SHLD2: variants seen among roughly 807,000 people sequenced by gnomAD.
The protein encoded by SHLD2 is shieldin complex subunit 2.
SHLD2 carries 30 observed loss-of-function variants against 73.2 expected under a neutral mutation model. The ratio of observed to expected loss-of-function variants is 0.41; its 90% CI spans 0.31 to 0.56. The LOEUF is 0.56. Among genes scored for constraint, SHLD2 ranks in the 20% least tolerant of loss-of-function variants. The probability of loss-of-function intolerance (pLI) is 0.28; values close to 1 mark genes in which losing one functional copy is unlikely to be tolerated. For missense variants in SHLD2, 745 were observed against 1,055.9 expected (o/e 0.71, Z 4.08); for synonymous variants, 285 against 370.1 (o/e 0.77, Z 2.64).
intron 2 of SHLD2, among the ~76,000 whole-genome samples, chr10:87,130,512 G>T (rs546496789): frequency 9.9e-5 from 15 of 151,992 alleles, no homozygotes; most frequent in Non-Finnish European, 1.5e-4. Flanking sequence ...TGGGAAAAGC[G>T]TAGTAACCTA....
At chr10:87,131,809 CTG>C (rs1325585385) in intron 2 of SHLD2, among the ~76,000 whole-genome samples, 10 of 152,212 alleles carry the variant, frequency 6.6e-5, no homozygotes, top group Non-Finnish European at 5.9e-5. Flanking sequence ...TCCTCAGTGA[CTG>C]TACCATTTTA....
At chr10:87,188,535 C>T (rs1848779550) in intron 9 of SHLD2, among the ~76,000 whole-genome samples, 1 of 152,154 alleles carries the variant, frequency 6.6e-6, no homozygotes, top group African/African-American at 2.4e-5. Flanking sequence ...TTATGAGCAC[C>T]TGGTGGAGGT....
chr10:87,111,469 C>T (rs1316201034), intron 2 of SHLD2, among the ~76,000 whole-genome samples: 1 of 151,620 alleles, frequency 6.6e-6, no homozygotes, highest in Non-Finnish European at 1.5e-5. Context: ...GGTGAAACCC[C>T]CTCTCTACTA....
rs1186391770 is a variant in SHLD2 at position 87,174,526 on chromosome 10, C to G, written c.1964-1363C>G. Among the ~76,000 whole-genome samples, 3 of 148,772 alleles carry G rather than the reference C, an allele frequency of 2.0e-5. No homozygotes were observed. In the Admixed American group the frequency reaches 2.0e-4, roughly 10 times the overall value. On this transcript the variant is annotated intron_variant, in intron 6 of 9. Coordinates refer to ENST00000298786, the MANE Select transcript of SHLD2 (RefSeq NM_001330112.2). Reference sequence around the variant, plus strand: ...TGCTTTAGTTCTAGCTAGTGATGCTCTGTCTTTACAGATTTACTGAGATGT... The same window carrying G: ...TGCTTTAGTTCTAGCTAGTGATGCTGTGTCTTTACAGATTTACTGAGATGT...
chr10:87,187,654 C>G (rs1848699919), intron 9 of SHLD2, among the ~76,000 whole-genome samples: 1 of 152,208 alleles, frequency 6.6e-6, no homozygotes, highest in African/African-American at 2.4e-5. Context: ...CTCAGATCCT[C>G]TAAGCTGATG....
intron 7 of SHLD2, among the ~76,000 whole-genome samples, chr10:87,177,170 T>G (rs11492866): frequency 0.33 from 49,620 of 151,886 alleles, 8,696 homozygotes; most frequent in South Asian, 0.47. Flanking sequence ...CAGGAAGGAA[T>G]GCCAGACACA....
intron 2 of SHLD2, 119 bp from the exon 3 acceptor site, chr10:87,151,231 A>G (rs1223649497): frequency 3.9e-6 from 2 of 515,760 alleles, no homozygotes; most frequent in Non-Finnish European, 6.8e-6. Context: ...CAAAAAAATC[A>G]CCTATGTTAA....
chr10:87,104,123 G>A (rs763016170), intron 2 of SHLD2, among the ~76,000 whole-genome samples: 27 of 151,140 alleles, frequency 1.8e-4, no homozygotes, highest in Non-Finnish European at 2.8e-4. Flanking sequence ...TGTAATCCCA[G>A]CTACTTGGGA....
chr10:87,160,875 C>G (rs1405930992), intron 4 of SHLD2, among the ~76,000 whole-genome samples: 1 of 151,684 alleles, frequency 6.6e-6, no homozygotes, highest in Non-Finnish European at 1.5e-5. Context: ...CCTGTGGTCC[C>G]AGCTACTCAG....
In SHLD2 at chr10:87,152,328, T is replaced by G. The variant is rs1846076798; in HGVS notation, c.974T>G (p.Ile325Ser). 7.0e-7 allele frequency: 1 copy of G among 1,437,416 alleles called. No homozygotes were observed. The highest frequency in any genetic ancestry group is 1.4e-5 in the African/African-American group (1 of 69,932). The allele number at this position is 1,437,416 out of a possible 1,614,324, so 89.0% of individuals were successfully genotyped here. Residue 325 changes from isoleucine (I) to serine (S), a missense_variant, in exon 3 of 10, where the codon ATT (isoleucine) becomes AGT (serine). Physicochemically the swap from Ile to Ser is moderately radical, Grantham distance 142. This residue lies in a region of SHLD2 where 26 missense variants were observed against 86.4 expected (regional missense o/e 0.30). Transcript: ENST00000298786. ...PVCPKTENSR[I>S]HINSDKGLEE... ...TGTCCTAAAACAGAAAATAGCCGCA[T>G]TCACATAAACTCTGATAAAGGTCTT... is the stretch of plus-strand genomic sequence containing the variant.
intron 1 of SHLD2, among the ~76,000 whole-genome samples, chr10:87,096,435 A>G (rs1841895150): frequency 6.7e-6 from 1 of 150,188 alleles, no homozygotes; most frequent in South Asian, 2.2e-4. Flanking sequence ...TCACATTCCT[A>G]TGGATAGCTT....
At chr10:87,151,277 C>T in intron 2 of SHLD2, 73 bp from the exon 3 acceptor site, 3 of 701,524 alleles carry the variant, frequency 4.3e-6, no homozygotes, top group Admixed American at 6.7e-5. Context: ...TCTTTTGGTA[C>T]ATTATTAAGT....
Position 87,179,109 on chromosome 10 carries a change from C to T in SHLD2, c.2171-966C>T, listed in dbSNP as rs561530124. ...ATAATGCTCAGGAAAACTCATAGACCTCACCAGTACACAGTAAGACGAAAG... is the reference window on the plus strand; with the variant it reads ...ATAATGCTCAGGAAAACTCATAGACTTCACCAGTACACAGTAAGACGAAAG... On this transcript the variant is annotated intron_variant, in intron 7 of 9. Coordinates refer to ENST00000298786, the MANE Select transcript of SHLD2 (RefSeq NM_001330112.2). Among the ~76,000 whole-genome samples, 5 of 151,602 alleles carry T rather than the reference C, an allele frequency of 3.3e-5. No individual in the cohort carries two copies. In the East Asian group the frequency reaches 7.7e-4, roughly 23 times the overall value.
At chr10:87,160,308 G>A (rs1846712872) in intron 4 of SHLD2, among the ~76,000 whole-genome samples, 1 of 151,926 alleles carries the variant, frequency 6.6e-6, no homozygotes, top group Admixed American at 6.6e-5. Context: ...ATGATATGGT[G>A]AAACCTCATC....
chr10:87,171,200 A>C (rs1274182063), intron 6 of SHLD2, among the ~76,000 whole-genome samples: 1 of 152,132 alleles, frequency 6.6e-6, no homozygotes, highest in Non-Finnish European at 1.5e-5. Flanking sequence ...TAAAGTCTTA[A>C]ATTTATTCCC....
intron 2 of SHLD2, among the ~76,000 whole-genome samples, chr10:87,135,620 A>C (rs1265251600): frequency 1.3e-5 from 2 of 150,402 alleles, no homozygotes; most frequent in African/African-American, 2.5e-5. Flanking sequence ...TAGCTTCCTG[A>C]GTAGCTGGGA....
At chr10:87,112,448 T>C (rs1156954922) in intron 2 of SHLD2, among the ~76,000 whole-genome samples, 1 of 152,056 alleles carries the variant, frequency 6.6e-6, no homozygotes, top group Non-Finnish European at 1.5e-5. Flanking sequence ...GAAGATCACT[T>C]GAGCCCAGAA....
At chr10:87,112,080 AG>A (rs1170773195) in intron 2 of SHLD2, among the ~76,000 whole-genome samples, 1 of 151,642 alleles carries the variant, frequency 6.6e-6, no homozygotes, top group Non-Finnish European at 1.5e-5. Context: ...TACTAAAAAT[AG>A]AAAAAAATTA....
intron 2 of SHLD2, among the ~76,000 whole-genome samples, chr10:87,146,046 T>G (rs917899707): frequency 2.0e-5 from 3 of 152,130 alleles, no homozygotes; most frequent in African/African-American, 7.2e-5. Flanking sequence ...TTGGAGTATT[T>G]AGTAGCAGTA....
Sources: allele counts gnomAD v4.1 joint callset (sites outside exome capture counted in the v4.1 genomes callset), GRCh38; gene constraint gnomAD v4.1.1; regional missense constraint gnomAD v4.1.1; transcripts MANE v1.5; gene names NCBI Gene and HGNC (gene_info 2026-07-23, HGNC 2026-07-21).